Variants in SMARCC1 observed in about 807,000 individuals in gnomAD.
The protein encoded by SMARCC1 is SWI/SNF related BAF chromatin remodeling complex subunit C1.
Under a neutral mutation model 147.4 loss-of-function variants are expected in SMARCC1, and 43 were observed. The ratio of observed to expected loss-of-function variants is 0.29; its 90% CI spans 0.23 to 0.38. SMARCC1 has a LOEUF of 0.38. SMARCC1 is among the 10% of genes least tolerant of loss of function. The pLI, the probability that SMARCC1 is intolerant of heterozygous loss-of-function variation, is 1.00. For synonymous variants in SMARCC1, 495 were observed against 484.4 expected, an observed-to-expected ratio of 1.02 and a Z score of -0.29; for missense variants, 1,119 against 1,381.1, an observed-to-expected ratio of 0.81 and a Z score of 3.01.
At chr3:47,659,514 A>G (rs1283254824) in intron 21 of SMARCC1, among the ~76,000 whole-genome samples, 2 of 152,006 alleles carry the variant, frequency 1.3e-5, no homozygotes, top group African/African-American at 4.8e-5. Context: ...CAAAAAACAA[A>G]AAGGGAGGGT....
chr3:47,628,772 G>C (rs190448674), intron 24 of SMARCC1, among the ~76,000 whole-genome samples: 1 of 152,174 alleles, frequency 6.6e-6, no homozygotes, highest in African/African-American at 2.4e-5. Context: ...CACCGTGTTG[G>C]CCAGGCTGGT....
chr3:47,742,967 A>C (rs1432877610), intron 3 of SMARCC1, among the ~76,000 whole-genome samples: 1 of 152,238 alleles, frequency 6.6e-6, no homozygotes. Context: ...TATGCATGAC[A>C]TTAGAGCTTC....
At chr3:47,651,336 G>C (rs1169776795) in intron 21 of SMARCC1, among the ~76,000 whole-genome samples, 1 of 152,142 alleles carries the variant, frequency 6.6e-6, no homozygotes, top group Non-Finnish European at 1.5e-5. Context: ...CACTCTTTTG[G>C]TCAAACTGCT....
chr3:47,652,818 C>A (rs2033206485), intron 21 of SMARCC1, among the ~76,000 whole-genome samples: 2 of 151,786 alleles, frequency 1.3e-5, no homozygotes, highest in Admixed American at 6.6e-5. Flanking sequence ...TGGTGAGTGA[C>A]CATAGTTAAA....
At chr3:47,717,156 A>G (rs968187773) in intron 7 of SMARCC1, among the ~76,000 whole-genome samples, 5 of 152,238 alleles carry the variant, frequency 3.3e-5, no homozygotes, top group Admixed American at 2.6e-4. Flanking sequence ...ATAGACTAAT[A>G]AAAACAATGC....
At position 47,658,294 on chromosome 3, in the gene SMARCC1, TA is replaced by T. The variant is rs1365541519; in HGVS notation, c.2320+2999del. On this transcript the variant is annotated intron_variant, in intron 21 of 27. Transcript: ENST00000254480. ...CCCATTTATTGAGATGTAATTCACA[TA>T]ATATAAAATTCACCCATTGAAGGAG... 2.6e-5 allele frequency among the ~76,000 whole-genome samples: 4 copies of T among 152,338 alleles called. No homozygotes were observed. The East Asian group carries it at 7.7e-4, about 29-fold the overall frequency.
At chr3:47,649,964 G>A (rs1406838127) in intron 21 of SMARCC1, among the ~76,000 whole-genome samples, 4 of 152,086 alleles carry the variant, frequency 2.6e-5, no homozygotes, top group Admixed American at 2.0e-4. Flanking sequence ...AAGAATCATC[G>A]AATGTCTTCA....
At chr3:47,756,739 G>A (rs1054488379) in intron 2 of SMARCC1, among the ~76,000 whole-genome samples, 2 of 152,028 alleles carry the variant, frequency 1.3e-5, no homozygotes, top group Non-Finnish European at 2.9e-5. Flanking sequence ...TCACACAATA[G>A]CAGCAAAAGC....
At chr3:47,741,755 T>A (rs2034512856) in intron 3 of SMARCC1, among the ~76,000 whole-genome samples, 1 of 152,026 alleles carries the variant, frequency 6.6e-6, no homozygotes, top group Non-Finnish European at 1.5e-5. Flanking sequence ...TTACTATTAT[T>A]TTAAAAAATA....
At chr3:47,780,874 C>T (rs977581968) in intron 1 of SMARCC1, among the ~76,000 whole-genome samples, 2 of 151,140 alleles carry the variant, frequency 1.3e-5, no homozygotes, top group African/African-American at 4.8e-5. Flanking sequence ...TAAGTCAAAA[C>T]TTTGAAAACT....
chr3:47,757,861 T>C (rs1016640216), intron 2 of SMARCC1, among the ~76,000 whole-genome samples: 3 of 151,308 alleles, frequency 2.0e-5, no homozygotes, highest in Non-Finnish European at 2.9e-5. Context: ...TATAAATTGG[T>C]AGAACTGCTG....
At chr3:47,716,962 G>A (rs542198431) in intron 7 of SMARCC1, among the ~76,000 whole-genome samples, 1 of 152,262 alleles carries the variant, frequency 6.6e-6, no homozygotes, top group South Asian at 2.1e-4. Flanking sequence ...CCTTAGGGGA[G>A]GGGAAGTTAT....
rs748769407 is a variant in SMARCC1 at position 47,678,226 on chromosome 3, A to G, written c.1543T>C (p.Leu515=). Residue 515 remains leucine, a synonymous_variant, in exon 16 of 28, where the codon TTG becomes CTG. Coordinates refer to ENST00000254480, the MANE Select transcript of SMARCC1 (RefSeq NM_003074.4). ...YLTSTACRRN[L]TGDVCAVMRV... ...ATCACAGCACACACATCTCCAGTCA[A>G]GTTCCTCCGACAAGCAGTGCTAGTT... 1 of 1,608,186 alleles carries G rather than the reference A, an allele frequency of 6.2e-7. No homozygotes were observed. Among genetic ancestry groups the G allele is most frequent in the Admixed American group, 1.7e-5 (1 of 59,072 alleles).
chr3:47,601,001 G>GAGAGAT (rs2032374280), intron 26 of SMARCC1, among the ~76,000 whole-genome samples: 1 of 56,846 alleles, frequency 1.8e-5, no homozygotes, highest in African/African-American at 7.5e-5. Context: ...AAGAAAATGA[G>GAGAGAT]AGAGAGAGAG....
intron 2 of SMARCC1, 73 bp from the exon 3 acceptor site, chr3:47,746,066 T>C: frequency 1.1e-6 from 1 of 950,742 alleles, no homozygotes; most frequent in South Asian, 1.6e-5. Context: ...AATTCTAAGT[T>C]TTATAAATTC....
intron 21 of SMARCC1, among the ~76,000 whole-genome samples, chr3:47,656,433 A>T (rs994140628): frequency 2.0e-5 from 3 of 152,238 alleles, no homozygotes; most frequent in Non-Finnish European, 4.4e-5. Context: ...AGATGAGATA[A>T]TTCAGAGCTA....
chr3:47,665,875 C>T (rs2033414186), intron 19 of SMARCC1, among the ~76,000 whole-genome samples: 1 of 150,138 alleles, frequency 6.7e-6, no homozygotes, highest in Non-Finnish European at 1.5e-5. Flanking sequence ...TTGTGAGACA[C>T]GGTCTTGCTA....
At chr3:47,637,980 AT>A (rs1344198008) in intron 22 of SMARCC1, among the ~76,000 whole-genome samples, 2 of 152,150 alleles carry the variant, frequency 1.3e-5, no homozygotes, top group Non-Finnish European at 2.9e-5. Context: ...TTTTCTTAAG[AT>A]TCTTCTGCAG....
At position 47,781,826 on chromosome 3, in the gene SMARCC1, G is replaced by A. The variant is rs975255504; in HGVS notation, c.-29C>T. 6.9e-6 allele frequency: 9 copies of A among 1,307,826 alleles called. No homozygotes were observed. The highest frequency in any genetic ancestry group is 3.2e-5 in the East Asian group (1 of 31,370). 81.0% of individuals were successfully genotyped at this position (1,307,826 alleles called of 1,614,324 possible). Reference sequence around the variant, plus strand: ...CGCAGCCCGTCGTCCCCACAGCCTGGCCCACCCCGGCCCTCGCGGTGTTTC... The same window carrying A: ...CGCAGCCCGTCGTCCCCACAGCCTGACCCACCCCGGCCCTCGCGGTGTTTC... On this transcript the variant is annotated 5_prime_UTR_variant, in exon 1 of 28. Transcript: ENST00000254480.
Sources: allele counts gnomAD v4.1 joint callset (sites outside exome capture counted in the v4.1 genomes callset), GRCh38; gene constraint gnomAD v4.1.1; transcripts MANE v1.5; gene names NCBI Gene and HGNC (gene_info 2026-07-23, HGNC 2026-07-21).